Variants in ABL1 observed in about 807,000 individuals in gnomAD.
ABL1 encodes tyrosine-protein kinase ABL1.
Under a neutral mutation model 94.7 loss-of-function variants are expected in ABL1, and 11 were observed. The observed-to-expected ratio is 0.12, with a 90% confidence interval of 0.07 to 0.19. The LOEUF (loss-of-function observed/expected upper bound fraction) is 0.19. Among genes scored for constraint, ABL1 ranks in the 10% least tolerant of loss-of-function variants. ABL1 has a pLI of 1.00. For missense variants in ABL1, 1,082 were observed against 1,489.4 expected (o/e 0.73, Z 4.50); for synonymous variants, 656 against 622.4 (o/e 1.05, Z -0.80).
chr9:130,854,612 C>A (rs1187747696), intron 2 of ABL1, among the ~76,000 whole-genome samples, 189 bp from the exon 3 acceptor site: 1 of 152,148 alleles, frequency 6.6e-6, no homozygotes, highest in Non-Finnish European at 1.5e-5. Context: ...CTGTTCAGTA[C>A]AAACAGGAAG....
rs562868398 is a variant in ABL1 at position 130,887,620 on chromosome 9, G to T, written c.*1937G>T. On this transcript the variant is annotated 3_prime_UTR_variant, in exon 11 of 11. Coordinates refer to ENST00000318560, the MANE Select transcript of ABL1 (RefSeq NM_005157.6). ...TATATGATTCTCTGTGGTTTTTTTT[G>T]AATCCAAATCTGTCCTCTGTAGTAT... is the stretch of plus-strand genomic sequence containing the variant. The T allele has an allele frequency of 1.4e-4, 33 of 230,288 alleles. No individual in the cohort carries two copies. Among genetic ancestry groups the T allele is most frequent in the Middle Eastern group, 1.3e-3 (1 of 762 alleles). The allele number at this position is 230,288 out of a possible 1,614,324, so 14.3% of individuals were successfully genotyped here. A position where few individuals can be genotyped will look rare whatever the true frequency, so the allele number is the denominator to read the frequency against.
At chr9:130,839,693 A>G (rs1242601902) in intron 1 of ABL1, among the ~76,000 whole-genome samples, 1 of 152,172 alleles carries the variant, frequency 6.6e-6, no homozygotes, top group Non-Finnish European at 1.5e-5. Context: ...AGAGAGACCA[A>G]TCTCTGTTCA....
At chr9:130,749,488 G>C (rs1235693234) in intron 1 of ABL1, among the ~76,000 whole-genome samples, 4 of 152,224 alleles carry the variant, frequency 2.6e-5, no homozygotes, top group African/African-American at 9.6e-5. Context: ...TAGGGCTAAA[G>C]CCTGGTCCAC....
intron 1 of ABL1, among the ~76,000 whole-genome samples, chr9:130,717,934 AC>A (rs1337045166): frequency 9.2e-5 from 13 of 141,384 alleles, no homozygotes; most frequent in Non-Finnish European, 1.9e-4. Context: ...AATTGCTTGA[AC>A]CCCGGAGCGG....
intron 8 of ABL1, among the ~76,000 whole-genome samples, chr9:130,879,729 C>G (rs943846681): frequency 6.6e-6 from 1 of 152,096 alleles, no homozygotes; most frequent in Non-Finnish European, 1.5e-5. Flanking sequence ...CTTTGATAAC[C>G]GTGAAGAAAG....
At chr9:130,799,911 C>T (rs900452973) in intron 1 of ABL1, among the ~76,000 whole-genome samples, 8 of 151,302 alleles carry the variant, frequency 5.3e-5, no homozygotes, top group Admixed American at 5.3e-4. Flanking sequence ...CTTGCTCTGT[C>T]GCCAAGGCTA....
At chr9:130,716,072 CTTTTTTTTTTTT>C (rs71389339) in intron 1 of ABL1, among the ~76,000 whole-genome samples, 69 of 91,208 alleles carry the variant, frequency 7.6e-4, no homozygotes, top group African/African-American at 1.2e-3. Flanking sequence ...GAAAAATGTC[CTTTTTTTTTTTT>C]TTTTTTTTTT....
chr9:130,866,363 C>G (rs994149218), intron 4 of ABL1, among the ~76,000 whole-genome samples: 2 of 152,078 alleles, frequency 1.3e-5, no homozygotes, highest in Non-Finnish European at 1.5e-5. Context: ...ATCACCTTTT[C>G]CCCCCACTCT....
intron 1 of ABL1, among the ~76,000 whole-genome samples, chr9:130,763,859 G>GA (rs34472972): frequency 0.019 from 2,884 of 152,252 alleles, 27 homozygotes; most frequent in Non-Finnish European, 0.027. Context: ...AATGTGCCGG[G>GA]AATCAGTGGG....
chr9:130,730,581 T>C (rs1002793630), intron 1 of ABL1, among the ~76,000 whole-genome samples: 2 of 152,146 alleles, frequency 1.3e-5, no homozygotes, highest in Non-Finnish European at 2.9e-5. Flanking sequence ...CCTTTTTTTT[T>C]CTTTGTTTGA....
chr9:130,721,822 G>GTTTTTTTTTTT (rs746954089), intron 1 of ABL1, among the ~76,000 whole-genome samples: 3 of 120,880 alleles, frequency 2.5e-5, no homozygotes, highest in Admixed American at 8.9e-5. Context: ...GTTTTTTTTT[G>GTTTTTTTTTTT]TTTTTTTTTT....
intron 8 of ABL1, 112 bp downstream of exon 8, chr9:130,878,679 C>T (rs1831394619): frequency 7.7e-7 from 1 of 1,299,688 alleles, no homozygotes; most frequent in Non-Finnish European, 1.1e-6. Flanking sequence ...CTCTCCATTC[C>T]AGTTCTTCAG....
At chr9:130,757,488 G>C (rs1334390226) in intron 1 of ABL1, among the ~76,000 whole-genome samples, 1 of 151,772 alleles carries the variant, frequency 6.6e-6, no homozygotes, top group Non-Finnish European at 1.5e-5. Flanking sequence ...CTTGGGCCTG[G>C]GAAGCAGAGG....
intron 1 of ABL1, among the ~76,000 whole-genome samples, chr9:130,809,181 C>G (rs1181888262): frequency 1.3e-5 from 2 of 152,062 alleles, no homozygotes; most frequent in Non-Finnish European, 2.9e-5. Context: ...CTCGAGTATT[C>G]GGTTGAGTAC....
At position 130,880,663 on chromosome 9, in the gene ABL1, C is replaced by A; in HGVS notation, c.1677C>A (p.Ser559Arg). The change falls in exon 10 of 11, where the codon AGC becomes AGA. Residue 559 changes from serine (S) to arginine (R), a missense_variant and splice_region_variant. Coordinates refer to ENST00000318560, the MANE Select transcript of ABL1 (RefSeq NM_005157.6). The surrounding 1 kb of genome is among the most constrained non-coding windows in gnomAD (Gnocchi z 4.4). ...EMPHSKGQGE[S>R]DPLDHEPAVS... ...CTCACTCCAAGGGCCAGGGAGAGAG[C>A]GGTAAGTCCCCCGCTTCCCCCAACC... 1.9e-6 allele frequency: 3 copies of A among 1,612,932 alleles called. No individual in the cohort carries two copies. The highest frequency in any genetic ancestry group is 2.5e-6 in the Non-Finnish European group (3 of 1,179,576).
At position 130,862,930 on chromosome 9, in the gene ABL1, C is replaced by T. The variant is rs762009024; in HGVS notation, c.717C>T (p.Arg239=). Residue 239 remains arginine (R), a synonymous_variant, in exon 4 of 11, where the codon CGC becomes CGT. Coordinates refer to ENST00000318560, the MANE Select transcript of ABL1 (RefSeq NM_005157.6). The surrounding 1 kb of genome is among the most constrained non-coding windows in gnomAD (Gnocchi z 5.5). ...ACTACGACAAGTGGGAGATGGAACGCACGGACATCACCATGAAGCACAAGC... is the reference window on the plus strand; with the variant it reads ...ACTACGACAAGTGGGAGATGGAACGTACGGACATCACCATGAAGCACAAGC... ...SPNYDKWEME[R]TDITMKHKLG... The T allele has an allele frequency of 1.9e-6, 3 of 1,614,182 alleles. No individual in the cohort carries two copies. Among genetic ancestry groups the T allele is most frequent in the Non-Finnish European group, 2.5e-6 (3 of 1,180,038 alleles).
At chr9:130,810,800 T>G (rs1830199621) in intron 1 of ABL1, among the ~76,000 whole-genome samples, 1 of 151,542 alleles carries the variant, frequency 6.6e-6, no homozygotes, top group African/African-American at 2.4e-5. Context: ...ATGAAAGCAG[T>G]AAACACACAG....
chr9:130,732,018 C>T (rs563395349), intron 1 of ABL1, among the ~76,000 whole-genome samples: 73 of 146,208 alleles, frequency 5.0e-4, no homozygotes, highest in African/African-American at 1.8e-3. Context: ...TTTCTCTATT[C>T]TTTTTTTTTT....
intron 1 of ABL1, among the ~76,000 whole-genome samples, chr9:130,820,011 T>C (rs140239691): frequency 3.3e-5 from 5 of 152,108 alleles, no homozygotes; most frequent in African/African-American, 1.2e-4. Context: ...ACCCTATCTT[T>C]GGTGACTTCT....
Sources: gnomAD v4.1 joint callset for allele counts (sites outside exome capture counted in the v4.1 genomes callset) on GRCh38, gnomAD v4.1.1 for gene constraint, Gnocchi (gnomAD v3.1) non-coding constraint, MANE v1.5 for transcripts, NCBI Gene and HGNC (gene_info 2026-07-23, HGNC 2026-07-21) for gene names.